The following PIP5K1C variants were observed in gnomAD, a reference collection of about 807,000 sequenced individuals.
PIP5K1C encodes the protein phosphatidylinositol-4-phosphate 5-kinase type 1 gamma.
Under a neutral mutation model 80.1 loss-of-function variants are expected in PIP5K1C, and 45 were observed. The observed-to-expected ratio is 0.56, with a 90% CI of 0.44 to 0.72. The LOEUF (loss-of-function observed/expected upper bound fraction) is 0.72, where lower values mean the gene tolerates loss of function less well. Ranked by LOEUF, PIP5K1C falls within the 30% of genes least tolerant of loss-of-function variation. PIP5K1C has a pLI of 0.00. For missense variants in PIP5K1C, 753 were observed against 954.6 expected (o/e 0.79, Z 2.78); for synonymous variants, 498 against 420.1 (o/e 1.19, Z -2.27).
At chr19:3,671,627 G>A (rs781000991) in intron 1 of PIP5K1C, among the ~76,000 whole-genome samples, 1 of 152,224 alleles carries the variant, frequency 6.6e-6, no homozygotes, top group South Asian at 2.1e-4. Flanking sequence ...GGGGACCCCA[G>A]GGAAAATGTG....
At chr19:3,671,560 G>A (rs993930825) in intron 1 of PIP5K1C, among the ~76,000 whole-genome samples, 7 of 152,188 alleles carry the variant, frequency 4.6e-5, no homozygotes, top group Non-Finnish European at 1.0e-4. Flanking sequence ...GGGACTGGCC[G>A]GGGCCGAAGC....
chr19:3,640,930 G>A (rs58309776), intron 15 of PIP5K1C, among the ~76,000 whole-genome samples: 31 of 152,008 alleles, frequency 2.0e-4, no homozygotes, highest in Non-Finnish European at 1.0e-4. Context: ...CTCGTGATCC[G>A]CCTGCCTCAG....
chr19:3,634,267 C>T (rs2033582978), intron 16 of PIP5K1C, among the ~76,000 whole-genome samples: 1 of 152,084 alleles, frequency 6.6e-6, no homozygotes, highest in South Asian at 2.1e-4. Context: ...CCTCCAACAC[C>T]TCCGTCCCGC....
intron 12 of PIP5K1C, among the ~76,000 whole-genome samples, chr19:3,643,699 C>G (rs1181434452): frequency 1.3e-5 from 2 of 150,848 alleles, no homozygotes; most frequent in Non-Finnish European, 3.0e-5. Flanking sequence ...TTCCCCTCCG[C>G]GCTGCTTGGC....
intron 1 of PIP5K1C, among the ~76,000 whole-genome samples, chr19:3,698,606 T>C (rs796312452): frequency 7.9e-5 from 12 of 152,304 alleles, no homozygotes; most frequent in African/African-American, 2.9e-4. Context: ...GCTCCTGGCA[T>C]GGAGTGGGCA....
chr19:3,691,307 C>T (rs2035941903), intron 1 of PIP5K1C, among the ~76,000 whole-genome samples: 1 of 152,200 alleles, frequency 6.6e-6, no homozygotes, highest in African/African-American at 2.4e-5. Context: ...GTTTTGTTTT[C>T]TGGATTTTAC....
At chr19:3,662,605 G>A (rs1269952075) in intron 3 of PIP5K1C, among the ~76,000 whole-genome samples, 5 of 152,068 alleles carry the variant, frequency 3.3e-5, no homozygotes, top group Non-Finnish European at 5.9e-5. Flanking sequence ...TTGCTCTGTC[G>A]CCCAGGCTGG....
At chr19:3,646,624 T>C (rs1031514520) in intron 10 of PIP5K1C, among the ~76,000 whole-genome samples, 1 of 152,168 alleles carries the variant, frequency 6.6e-6, no homozygotes, top group Non-Finnish European at 1.5e-5. Flanking sequence ...GAGACAGCGC[T>C]CCTATCTGCC....
rs1037108213 is a variant in PIP5K1C at position 3,683,332 on chromosome 19, C to A, written c.95-15979G>T. ...AGATCTGGGTCCAGGGCACAGTGGG[C>A]TTGGCTCAGGAGGGAAACGGGGTTG... On this transcript the variant is annotated intron_variant, in intron 1 of 17. Coordinates refer to ENST00000335312, the MANE Select transcript of PIP5K1C (RefSeq NM_012398.3). Among the ~76,000 whole-genome samples, 4 of 152,138 alleles carry A rather than the reference C, an allele frequency of 2.6e-5. No homozygotes were observed. In the East Asian group the frequency reaches 7.7e-4, roughly 29 times the overall value.
rs115702982 is a variant in PIP5K1C at position 3,693,275 on chromosome 19, C to T, written c.94+7022G>A. On this transcript the variant is annotated intron_variant, in intron 1 of 17. Coordinates refer to ENST00000335312, the MANE Select transcript of PIP5K1C (RefSeq NM_012398.3). ...CATGAGGCATTTCAGTGGAGGAGAGCGGCCGGGCAGGGTGCTGGGGTCCTC... is the reference window on the plus strand; with the variant it reads ...CATGAGGCATTTCAGTGGAGGAGAGTGGCCGGGCAGGGTGCTGGGGTCCTC... 7.9e-5 allele frequency among the ~76,000 whole-genome samples: 12 copies of T among 152,264 alleles called. 1 individual carries two copies. In the South Asian group the frequency reaches 2.1e-3, roughly 26 times the overall value.
intron 15 of PIP5K1C, among the ~76,000 whole-genome samples, chr19:3,639,943 C>T (rs1002099059): frequency 6.6e-6 from 1 of 152,196 alleles, no homozygotes; most frequent in Non-Finnish European, 1.5e-5. Context: ...GCTAAACATG[C>T]CCTCCTGCCA....
intron 8 of PIP5K1C, among the ~76,000 whole-genome samples, chr19:3,650,699 G>A (rs1479534574): frequency 6.6e-6 from 1 of 152,232 alleles, no homozygotes; most frequent in Non-Finnish European, 1.5e-5. Context: ...AGACATGACT[G>A]CAGGCCACTG....
chr19:3,694,713 G>A (rs991442833), intron 1 of PIP5K1C, among the ~76,000 whole-genome samples: 4 of 152,112 alleles, frequency 2.6e-5, no homozygotes, highest in African/African-American at 4.8e-5. Context: ...CCCACCCCAC[G>A]GCCTCGGCGC....
chr19:3,699,857 G>A (rs1342542047), intron 1 of PIP5K1C, among the ~76,000 whole-genome samples: 7 of 152,224 alleles, frequency 4.6e-5, no homozygotes, highest in African/African-American at 1.4e-4. Flanking sequence ...TTTTAGCAGG[G>A]AGGTAAACTG....
chr19:3,641,569 CTT>C (rs2033961087), intron 15 of PIP5K1C, 134 bp downstream of exon 15: 1 of 713,794 alleles, frequency 1.4e-6, no homozygotes, highest in South Asian at 1.5e-5. Context: ...AAAAAATAAA[CTT>C]ATGGGAAAAT....
At chr19:3,690,680 GAGA>G (rs904711032) in intron 1 of PIP5K1C, among the ~76,000 whole-genome samples, 2 of 152,116 alleles carry the variant, frequency 1.3e-5, no homozygotes, top group Admixed American at 1.3e-4. Context: ...ATCATCGTAG[GAGA>G]AGATGGGCAA....
intron 5 of PIP5K1C, among the ~76,000 whole-genome samples, chr19:3,659,557 G>A (rs913510470): frequency 4.6e-5 from 7 of 152,180 alleles, no homozygotes; most frequent in African/African-American, 1.2e-4. Flanking sequence ...CAGGTCACCC[G>A]AGGGCCATTT....
intron 1 of PIP5K1C, among the ~76,000 whole-genome samples, chr19:3,677,539 T>G (rs758117111): frequency 6.7e-6 from 1 of 149,112 alleles, no homozygotes; most frequent in Non-Finnish European, 1.5e-5. Context: ...GCCAAGATCA[T>G]GCCACTGCAC....
At chr19:3,682,079 A>G (rs1334988124) in intron 1 of PIP5K1C, among the ~76,000 whole-genome samples, 1 of 152,150 alleles carries the variant, frequency 6.6e-6, no homozygotes, top group Non-Finnish European at 1.5e-5. Context: ...CATTTCTTAG[A>G]AAAGGCATCG....
Sources: allele counts gnomAD v4.1 joint callset (sites outside exome capture counted in the v4.1 genomes callset), GRCh38; gene constraint gnomAD v4.1.1; transcripts MANE v1.5; gene names NCBI Gene and HGNC (gene_info 2026-07-23, HGNC 2026-07-21).